Variants in THSD7B observed in about 807,000 individuals in gnomAD.
The protein encoded by THSD7B is thrombospondin type 1 domain containing 7B.
In THSD7B, 138 loss-of-function variants were observed where a neutral mutation model predicts 213.6. That is an observed-to-expected ratio of 0.65 (90% confidence interval 0.56 to 0.74). THSD7B has a LOEUF of 0.74. Ranked by LOEUF, THSD7B falls within the 30% of genes least tolerant of loss-of-function variation. The pLI, the probability that THSD7B is intolerant of heterozygous loss-of-function variation, is 0.00. For synonymous variants in THSD7B, 742 were observed against 687.0 expected (o/e 1.08, Z -1.25); for missense variants, 1,931 against 1,991.5 (o/e 0.97, Z 0.58).
Position 137,482,192 on chromosome 2 carries a change from A to G in THSD7B, c.3138+31169A>G, listed in dbSNP as rs903328443. Among the ~76,000 whole-genome samples, 216 of 151,588 alleles carry G rather than the reference A, an allele frequency of 1.4e-3. 3 individuals are homozygous for G. Among genetic ancestry groups the G allele is most frequent in the Non-Finnish European group, 8.3e-4 (56 of 67,826 alleles). On this transcript the variant is annotated intron_variant, in intron 15 of 27. Transcript: ENST00000409968. ...AAGACTCCGGCCCTCCCCACCAAAAAAAAAAAAAAAAGGGTTTAGCCATAG... is the reference window on the plus strand; with the variant it reads ...AAGACTCCGGCCCTCCCCACCAAAAGAAAAAAAAAAAGGGTTTAGCCATAG...
chr2:137,472,334 A>G (rs747487087), intron 15 of THSD7B, among the ~76,000 whole-genome samples: 7 of 152,238 alleles, frequency 4.6e-5, no homozygotes, highest in Non-Finnish European at 1.0e-4. Context: ...AAAATTATTG[A>G]GGACCTAAAA....
intron 17 of THSD7B, among the ~76,000 whole-genome samples, chr2:137,613,260 G>C (rs1682320985): frequency 6.6e-6 from 1 of 152,098 alleles, no homozygotes; most frequent in African/African-American, 2.4e-5. Context: ...GCATGGTGAG[G>C]TTTAACATAT....
rs139282050 is a variant in THSD7B at position 137,533,385 on chromosome 2, A to G, written c.3139-29836A>G. ...TGAGAGACAACTTCTTTATCATATT[A>G]TTTTATTAGGTTTCAGACTCACCTA... On this transcript the variant is annotated intron_variant, in intron 15 of 27. Coordinates refer to ENST00000409968, the MANE Select transcript of THSD7B (RefSeq NM_001316349.2). Among the ~76,000 whole-genome samples, 507 of 151,884 alleles carry G rather than the reference A, an allele frequency of 3.3e-3. 1 individual carries two copies. The highest frequency in any genetic ancestry group is 3.4e-3 in the Middle Eastern group (1 of 294).
At chr2:137,215,787 T>A (rs887583059) in intron 7 of THSD7B, among the ~76,000 whole-genome samples, 1 of 152,208 alleles carries the variant, frequency 6.6e-6, no homozygotes, top group African/African-American at 2.4e-5. Context: ...AAATGTTTTT[T>A]CCAAATTTTG....
chr2:137,404,005 T>TAA, intron 12 of THSD7B, among the ~76,000 whole-genome samples: 1 of 152,152 alleles, frequency 6.6e-6, no homozygotes, highest in Non-Finnish European at 1.5e-5. Context: ...TGTATATTCT[T>TAA]TGAGAGTCTA....
intron 2 of THSD7B, among the ~76,000 whole-genome samples, chr2:137,031,318 C>T (rs994634663): frequency 2.0e-5 from 3 of 152,156 alleles, no homozygotes; most frequent in Non-Finnish European, 4.4e-5. Flanking sequence ...GCACTCTAGC[C>T]TGGGCGACAG....
At chr2:137,505,366 C>A (rs1337554944) in intron 15 of THSD7B, among the ~76,000 whole-genome samples, 2 of 152,210 alleles carry the variant, frequency 1.3e-5, no homozygotes, top group African/African-American at 2.4e-5. Context: ...GTTCCAGGAG[C>A]TGCTTATGGC....
chr2:137,602,509 C>T (rs948120969), intron 17 of THSD7B, among the ~76,000 whole-genome samples: 1 of 152,062 alleles, frequency 6.6e-6, no homozygotes. Flanking sequence ...ACCTCGTGAT[C>T]CACCCACCTT....
At chr2:137,081,972 C>A (rs1486132498) in intron 3 of THSD7B, among the ~76,000 whole-genome samples, 1 of 152,130 alleles carries the variant, frequency 6.6e-6, no homozygotes, top group East Asian at 1.9e-4. Context: ...TCTTCTCCCT[C>A]TTTACTGCAT....
At chr2:137,203,598 A>G (rs899969387) in intron 7 of THSD7B, among the ~76,000 whole-genome samples, 7 of 151,982 alleles carry the variant, frequency 4.6e-5, no homozygotes, top group African/African-American at 1.7e-4. Flanking sequence ...TTATTTTATT[A>G]ATAGGTATAA....
intron 27 of THSD7B, among the ~76,000 whole-genome samples, chr2:137,670,772 T>A (rs1453856039): frequency 6.6e-6 from 1 of 151,870 alleles, no homozygotes; most frequent in Non-Finnish European, 1.5e-5. Flanking sequence ...ATACAAAAAA[T>A]TAGCCAGGTG....
chr2:136,788,126 A>G (rs1681902320), intron 1 of THSD7B, among the ~76,000 whole-genome samples: 1 of 152,196 alleles, frequency 6.6e-6, no homozygotes, highest in African/African-American at 2.4e-5. Flanking sequence ...AGCTACGCAT[A>G]GTTGACTTGA....
Position 136,825,718 on chromosome 2 carries a change from A to ATTTTTTTTTTTTTTTTTTTTT in THSD7B, c.-35-56410_-35-56409insTTTTTTTTTTTTTTTTTTTTT, listed in dbSNP as rs55814718. Among the ~76,000 whole-genome samples, 39 of 116,880 alleles carry ATTTTTTTTTTTTTTTTTTTTT rather than the reference A, an allele frequency of 3.3e-4. 4 individuals are homozygous for ATTTTTTTTTTTTTTTTTTTTT. Among genetic ancestry groups the ATTTTTTTTTTTTTTTTTTTTT allele is most frequent in the African/African-American group, 5.0e-4 (15 of 29,896 alleles). 76.7% of individuals were successfully genotyped at this position (116,880 alleles called of 152,430 possible). A position where few individuals can be genotyped will look rare whatever the true frequency, so the allele number is the denominator to read the frequency against. The stretch of plus-strand genomic sequence containing the variant: ...AGGTGCTCACTGCCATGCCTGGCTA[A>ATTTTTTTTTTTTTTTTTTTTT]TTTTTTTTTTTTTTTTAGATCTGGG... On this transcript the variant is annotated intron_variant, in intron 1 of 27. Coordinates refer to ENST00000409968, the MANE Select transcript of THSD7B (RefSeq NM_001316349.2).
chr2:137,115,397 A>G, intron 5 of THSD7B, 104 bp downstream of exon 5: 2 of 1,228,082 alleles, frequency 1.6e-6, no homozygotes, highest in Non-Finnish European at 1.1e-6. Context: ...TAGCATTCAC[A>G]CATTTAATAT....
chr2:137,538,371 CA>C (rs1680545531), intron 15 of THSD7B: 5 of 417,226 alleles, frequency 1.2e-5, no homozygotes, highest in South Asian at 3.7e-5. Flanking sequence ...TTTGAATGAT[CA>C]GGGGAAAGGA....
chr2:137,042,847 C>T (rs913020137), intron 2 of THSD7B, among the ~76,000 whole-genome samples: 10 of 152,202 alleles, frequency 6.6e-5, no homozygotes, highest in Non-Finnish European at 1.0e-4. Context: ...AAAGTCCCTC[C>T]GTAATTCAAA....
chr2:137,313,986 T>C (rs1379400518), intron 12 of THSD7B, among the ~76,000 whole-genome samples: 1 of 152,180 alleles, frequency 6.6e-6, no homozygotes, highest in East Asian at 1.9e-4. Flanking sequence ...TTATGTGTCT[T>C]GGTGTTGCTC....
chr2:137,615,762 T>C (rs1421777610), intron 17 of THSD7B, among the ~76,000 whole-genome samples: 1 of 152,136 alleles, frequency 6.6e-6, no homozygotes, highest in Non-Finnish European at 1.5e-5. Flanking sequence ...AAATTTTCTG[T>C]GTGATTATTT....
At chr2:137,661,837 T>A (rs1222416624) in intron 25 of THSD7B, among the ~76,000 whole-genome samples, 1 of 152,112 alleles carries the variant, frequency 6.6e-6, no homozygotes, top group Admixed American at 6.5e-5. Flanking sequence ...CACAGTGGCC[T>A]GCCAGGACTT....
Sources: gnomAD v4.1 joint callset for allele counts (sites outside exome capture counted in the v4.1 genomes callset) on GRCh38, gnomAD v4.1.1 for gene constraint, MANE v1.5 for transcripts, NCBI Gene and HGNC (gene_info 2026-07-23, HGNC 2026-07-21) for gene names.